ABCB1: variants seen among roughly 807,000 people sequenced by gnomAD.
ABCB1 encodes ATP-dependent translocase ABCB1.
Under a neutral mutation model 142.0 loss-of-function variants are expected in ABCB1, and 69 were observed. The ratio of observed to expected loss-of-function variants is 0.49; its 90% CI spans 0.40 to 0.59. The LOEUF (loss-of-function observed/expected upper bound fraction) is 0.59, where lower values mean the gene tolerates loss of function less well. ABCB1 is among the 20% of genes least tolerant of loss of function. ABCB1 has a pLI of 0.00. For missense variants in ABCB1, 1,326 were observed against 1,554.7 expected (o/e 0.85, Z 2.47); for synonymous variants, 532 against 539.2 (o/e 0.99, Z 0.18).
rs554954115 is a variant in ABCB1 at position 87,698,813 on chromosome 7, T to A, written c.-331+14348A>T. On this transcript the variant is annotated intron_variant, in intron 1 of 28. Transcript: ENST00000265724. ...CTTTTGAGGAGAAGTAAGCACAGGGTCCTGTGCCAACAGAGGGACTAGCTG... is the reference window on the plus strand; with the variant it reads ...CTTTTGAGGAGAAGTAAGCACAGGGACCTGTGCCAACAGAGGGACTAGCTG... 5.9e-5 allele frequency among the ~76,000 whole-genome samples: 9 copies of A among 152,244 alleles called. No homozygotes were observed. In the South Asian group the frequency reaches 1.9e-3, roughly 32 times the overall value.
At chr7:87,657,724 T>C (rs1204246830) in intron 1 of ABCB1, among the ~76,000 whole-genome samples, 1 of 152,114 alleles carries the variant, frequency 6.6e-6, no homozygotes, top group Non-Finnish European at 1.5e-5. Context: ...TCTTTCACTG[T>C]CACCCAGTGG....
intron 1 of ABCB1, among the ~76,000 whole-genome samples, chr7:87,663,283 T>A (rs1824895800): frequency 6.6e-6 from 1 of 152,136 alleles, no homozygotes; most frequent in Non-Finnish European, 1.5e-5. Flanking sequence ...ACAAGGTTCT[T>A]TTCTACTTAA....
chr7:87,541,463 A>C lies in ABCB1; in HGVS notation c.2213T>G (p.Val738Gly). ...FAIIFSKIIGVFTRIDDPETK... is the reference protein window; with the variant it reads ...FAIIFSKIIGGFTRIDDPETK... ...TTCAGGATCATCAATTCTTGTAAAA[A>C]CCTGTGAGAAAACATTTAAAGGATT... The change falls in exon 18 of 28, where the codon GTT becomes GGT. Residue 738 changes from valine to glycine, a missense_variant and splice_region_variant. By Grantham distance (109) the Val-to-Gly change is moderately radical (BLOSUM62 -3). Transcript: ENST00000622132. 1 of 1,587,664 alleles carries C rather than the reference A, an allele frequency of 6.3e-7. No individual in the cohort carries two copies. The highest frequency in any genetic ancestry group is 1.3e-5 in the African/African-American group (1 of 74,404).
chr7:87,615,671 C>T (rs1820010720), intron 1 of ABCB1, among the ~76,000 whole-genome samples: 1 of 152,160 alleles, frequency 6.6e-6, no homozygotes, highest in Admixed American at 6.5e-5. Flanking sequence ...GTAGCACCAA[C>T]AAGATTGCAA....
At chr7:87,506,967 T>C (rs2117061326) in intron 26 of ABCB1, among the ~76,000 whole-genome samples, 1 of 152,312 alleles carries the variant, frequency 6.6e-6, no homozygotes, top group South Asian at 2.1e-4. Flanking sequence ...GCAGGAGCAC[T>C]GAAGTGTATC....
rs960002404 is a variant in ABCB1 at position 87,690,693 on chromosome 7, T to G, written c.-331+22468A>C. On this transcript the variant is annotated intron_variant, in intron 1 of 28. Transcript: ENST00000265724. ...CCTATGTAAATACAAAGTGAAAGAT[T>G]ATAAGCAACTCGCCTTAACAGTATT... 1.1e-4 allele frequency among the ~76,000 whole-genome samples: 17 copies of G among 152,134 alleles called. 1 individual carries two copies. Among genetic ancestry groups the G allele is most frequent in the Admixed American group, 5.2e-4 (8 of 15,268 alleles).
intron 1 of ABCB1, chr7:87,628,610 TG>T: frequency 6.6e-5 from 24 of 365,850 alleles, no homozygotes; most frequent in African/African-American, 4.0e-4. Flanking sequence ...TGTGTGTGTG[TG>T]TGTGTGTGTG....
At chr7:87,639,121 TC>T (rs1822166698) in intron 1 of ABCB1, among the ~76,000 whole-genome samples, 1 of 118,990 alleles carries the variant, frequency 8.4e-6, no homozygotes, top group Non-Finnish European at 1.6e-5. Context: ...ACCACTGCAC[TC>T]CAGCCTGGGC....
At position 87,504,339 on chromosome 7, in the gene ABCB1, G is replaced by A. The variant is rs2235051; in HGVS notation, c.3747C>T (p.Gly1249=). ...GATGCGTGCCATGCTCCTTGACTCT[G>A]CCATTCTGAAACACCACTATTAAGT... is the stretch of plus-strand genomic sequence containing the variant. ...NADLIVVFQN[G]RVKEHGTHQQ... The change falls in exon 28 of 28, where the codon GGC becomes GGT. Residue 1249 remains glycine, a synonymous_variant. Transcript: ENST00000622132. 3 of 1,614,040 alleles carry A rather than the reference G, an allele frequency of 1.9e-6. No homozygotes were observed. The highest frequency in any genetic ancestry group is 1.3e-5 in the African/African-American group (1 of 75,058).
At chr7:87,608,927 T>C (rs1157600078) in intron 1 of ABCB1, among the ~76,000 whole-genome samples, 1 of 152,234 alleles carries the variant, frequency 6.6e-6, no homozygotes, top group Non-Finnish European at 1.5e-5. Context: ...AAATTTGTAT[T>C]GGAAACTCAT....
intron 7 of ABCB1, chr7:87,565,592 A>G (rs1817752416): frequency 2.7e-6 from 1 of 367,232 alleles, no homozygotes; most frequent in African/African-American, 2.1e-5. Flanking sequence ...AAACTGTAAA[A>G]TCAATTTAAA....
rs77467699 is a variant in ABCB1 at position 87,513,658 on chromosome 7, G to A, written c.3282+1573C>T. Among the ~76,000 whole-genome samples the A allele has an allele frequency of 7.0e-3, 1,061 of 152,218 alleles. 17 individuals carry two copies. Among genetic ancestry groups the A allele is most frequent in the African/African-American group, 0.024 (981 of 41,542 alleles). Reference sequence around the variant, plus strand: ...CTGCATTGGGAACAAATCACTGATCGCAGCTTGTATTTTCTCTTACATTGA... The same window carrying A: ...CTGCATTGGGAACAAATCACTGATCACAGCTTGTATTTTCTCTTACATTGA... On this transcript the variant is annotated intron_variant, in intron 25 of 27. Coordinates refer to ENST00000622132, the MANE Select transcript of ABCB1 (RefSeq NM_001348946.2).
At chr7:87,519,250 T>A (rs760603644) in intron 23 of ABCB1, 76 bp downstream of exon 23, 92 of 1,433,306 alleles carry the variant, frequency 6.4e-5, no homozygotes, top group Non-Finnish European at 8.8e-5. Context: ...CACAGTAGGG[T>A]TTCCTATCTA....
Position 87,508,676 on chromosome 7 carries a change from T to C in ABCB1, c.3489+599A>G, listed in dbSNP as rs1156592444. 2.0e-5 allele frequency among the ~76,000 whole-genome samples: 3 copies of C among 152,156 alleles called. No homozygotes were observed. The South Asian group carries it at 6.2e-4, about 32-fold the overall frequency. On this transcript the variant is annotated intron_variant, in intron 26 of 27. Transcript: ENST00000622132. ...AAATGTATGACGATGAGAGATTACA[T>C]GATACCATGGTCACTTTAATGGTTC...
chr7:87,566,708 A>C, intron 6 of ABCB1, 77 bp downstream of exon 6: 1 of 1,403,072 alleles, frequency 7.1e-7, no homozygotes, highest in Non-Finnish European at 1.0e-6. Flanking sequence ...ACACCTCCTA[A>C]CAGATGTGAT....
At chr7:87,521,600 T>A in intron 21 of ABCB1, 1 of 761,814 alleles carries the variant, frequency 1.3e-6, no homozygotes. Flanking sequence ...TGCGTGGTAA[T>A]GAGAGATCCA....
rs1412073870 is a variant in ABCB1, at chr7:87,530,838, C to CAAGAAAGCAAGAAAGAAAGAAAGA, written c.2685+455_2685+456insTCTTTCTTTCTTTCTTGCTTTCTT. 3.7e-3 allele frequency among the ~76,000 whole-genome samples: 262 copies of CAAGAAAGCAAGAAAGAAAGAAAGA among 71,222 alleles called. 1 individual carries two copies. The highest frequency in any genetic ancestry group is 7.1e-3 in the African/African-American group (113 of 15,852). The allele number at this position is 71,222 out of a possible 152,430, so 46.7% of individuals were successfully genotyped here. ...GCAAGAAAGCAAGAAAGCAAGAAAG[C>CAAGAAAGCAAGAAAGAAAGAAAGA]AAGAAAGAAAGAAAGAAAGAAAGAA... On this transcript the variant is annotated intron_variant, in intron 21 of 27. Transcript: ENST00000622132.
intron 1 of ABCB1, among the ~76,000 whole-genome samples, chr7:87,664,050 T>A (rs903470236): frequency 6.6e-6 from 1 of 152,186 alleles, no homozygotes; most frequent in African/African-American, 2.4e-5. Flanking sequence ...TGCAATTCAT[T>A]TCATACAGCA....
intron 1 of ABCB1, among the ~76,000 whole-genome samples, chr7:87,699,866 G>T (rs1828860927): frequency 1.3e-5 from 2 of 152,166 alleles, no homozygotes; most frequent in Non-Finnish European, 2.9e-5. Flanking sequence ...AGATGAGAAT[G>T]GTTGGGTAGG....
Sources: allele counts gnomAD v4.1 joint callset (sites outside exome capture counted in the v4.1 genomes callset), GRCh38; gene constraint gnomAD v4.1.1; transcripts MANE v1.5; gene names NCBI Gene and HGNC (gene_info 2026-07-23, HGNC 2026-07-21).